Variants in CDC42BPB observed in about 807,000 individuals in gnomAD.
CDC42BPB encodes serine/threonine-protein kinase MRCK beta.
In CDC42BPB, 37 loss-of-function variants were observed where a neutral mutation model predicts 214.9. The observed-to-expected ratio is 0.17, with a 90% CI of 0.13 to 0.23. The LOEUF is 0.23. Ranked by LOEUF, CDC42BPB falls within the 10% of genes least tolerant of loss-of-function variation. The probability of loss-of-function intolerance (pLI) is 1.00; values close to 1 mark genes in which losing one functional copy is unlikely to be tolerated. For synonymous variants in CDC42BPB, 931 were observed against 884.0 expected (o/e 1.05, Z -0.94); for missense variants, 1,694 against 2,227.0 (o/e 0.76, Z 4.82).
In CDC42BPB at chr14:102,964,078, G is replaced by C. The variant is rs555839408; in HGVS notation, c.2726+424C>G. 3.9e-5 allele frequency among the ~76,000 whole-genome samples: 6 copies of C among 152,336 alleles called. No individual in the cohort carries two copies. The East Asian group carries it at 1.2e-3, about 29-fold the overall frequency. ...GGAGTTAGGGAAAAATTTCAAGTGA[G>C]AATGCCATCTTCAACCTCTGTTTTA... On this transcript the variant is annotated intron_variant, in intron 19 of 36. Coordinates refer to ENST00000361246, the MANE Select transcript of CDC42BPB (RefSeq NM_006035.4).
In CDC42BPB at chr14:102,943,740, T is replaced by C; in HGVS notation, c.4408+151A>G. On this transcript the variant is annotated intron_variant, in intron 30 of 36. Transcript: ENST00000361246. The surrounding 1 kb of genome is among the most constrained non-coding windows in gnomAD (Gnocchi z 4.6). Reference sequence around the variant, plus strand: ...GACGTGAGATCTGAACCATGCTCTCTGCTGCGGGCTGGCATGGGGCCCACC... The same window carrying C: ...GACGTGAGATCTGAACCATGCTCTCCGCTGCGGGCTGGCATGGGGCCCACC... 1.5e-6 allele frequency: 1 copy of C among 655,378 alleles called. No individual in the cohort carries two copies. Among genetic ancestry groups the C allele is most frequent in the East Asian group, 2.7e-5 (1 of 36,884 alleles). 40.6% of individuals were successfully genotyped at this position (655,378 alleles called of 1,614,324 possible).
chr14:103,003,457 G>A (rs1055118547), intron 4 of CDC42BPB, among the ~76,000 whole-genome samples: 12 of 152,188 alleles, frequency 7.9e-5, no homozygotes, highest in Non-Finnish European at 1.6e-4. Flanking sequence ...CACAGGCAGC[G>A]TGGAGACTAA....
chr14:102,966,650 C>G, intron 17 of CDC42BPB: 1 of 299,040 alleles, frequency 3.3e-6, no homozygotes, highest in South Asian at 1.3e-4. Context: ...TATATACCTA[C>G]TACGCACCCA....
At chr14:102,977,795 G>A (rs566774614) in intron 9 of CDC42BPB, among the ~76,000 whole-genome samples, 6 of 152,306 alleles carry the variant, frequency 3.9e-5, no homozygotes, top group Admixed American at 6.5e-5. Context: ...AATCCTGCCC[G>A]AGGCCTGTTT....
rs1157814245 is a variant in CDC42BPB at position 102,950,447 on chromosome 14, C to T, written c.3309+19G>A. 7 of 1,611,882 alleles carry T rather than the reference C, an allele frequency of 4.3e-6. No individual in the cohort carries two copies. The highest frequency in any genetic ancestry group is 1.7e-5 in the Admixed American group (1 of 59,938). On this transcript the variant is annotated intron_variant, in intron 25 of 36. Transcript: ENST00000361246. ...CCTCACAGGCACCGAGGGCTGAGGGCGGAGATGAAGCCGCCTACCTTGACA... is the reference window on the plus strand; with the variant it reads ...CCTCACAGGCACCGAGGGCTGAGGGTGGAGATGAAGCCGCCTACCTTGACA...
chr14:103,056,577 G>T (rs1016058536), intron 1 of CDC42BPB, among the ~76,000 whole-genome samples: 2 of 150,032 alleles, frequency 1.3e-5, no homozygotes, highest in African/African-American at 5.0e-5. Context: ...GGGGGCGGGG[G>T]CGGGGGCGGG....
At chr14:102,973,765 T>A (rs1469590230) in intron 12 of CDC42BPB, among the ~76,000 whole-genome samples, 1 of 152,182 alleles carries the variant, frequency 6.6e-6, no homozygotes, top group Non-Finnish European at 1.5e-5. Flanking sequence ...GCGAGGTGGA[T>A]AACCGCTGGG....
intron 24 of CDC42BPB, 111 bp from the exon 25 acceptor site, chr14:102,950,713 C>T: frequency 7.2e-7 from 1 of 1,379,578 alleles, no homozygotes; most frequent in Non-Finnish European, 9.4e-7. Flanking sequence ...CGCCTGGAAT[C>T]CCAGCACTTT....
At chr14:102,934,655 A>T (rs1237753313) in intron 36 of CDC42BPB, among the ~76,000 whole-genome samples, 1 of 152,188 alleles carries the variant, frequency 6.6e-6, no homozygotes, top group Non-Finnish European at 1.5e-5. Context: ...AATAGAGGGG[A>T]ACCTCCTCAA....
At chr14:102,940,666 A>G (rs1370104391) in intron 30 of CDC42BPB, 5 of 361,386 alleles carry the variant, frequency 1.4e-5, no homozygotes, top group Non-Finnish European at 2.5e-5. Context: ...CAGGCTCAAC[A>G]CTTTGGAAAT....
At chr14:103,020,067 G>A (rs184553642) in intron 1 of CDC42BPB, among the ~76,000 whole-genome samples, 1 of 152,340 alleles carries the variant, frequency 6.6e-6, no homozygotes, top group East Asian at 1.9e-4. Flanking sequence ...TGAGGCAGGC[G>A]GGCAGGAAGT....
intron 21 of CDC42BPB, among the ~76,000 whole-genome samples, chr14:102,957,716 G>A (rs1247080924): frequency 6.6e-6 from 1 of 152,264 alleles, no homozygotes; most frequent in African/African-American, 2.4e-5. Context: ...CTTGGGTGTT[G>A]TAATGACAGA....
At chr14:102,967,623 T>C (rs183263854) in intron 16 of CDC42BPB, among the ~76,000 whole-genome samples, 2 of 152,378 alleles carry the variant, frequency 1.3e-5, no homozygotes, top group East Asian at 3.9e-4. Flanking sequence ...CAAGCCTGCA[T>C]ACCATGTTGC....
At chr14:103,010,770 G>A (rs951051687) in intron 2 of CDC42BPB, among the ~76,000 whole-genome samples, 4 of 152,196 alleles carry the variant, frequency 2.6e-5, no homozygotes, top group Non-Finnish European at 5.9e-5. Flanking sequence ...GGTGGCTCAC[G>A]CCTGTAATCC....
chr14:103,025,487 G>A (rs1233180986), intron 1 of CDC42BPB, among the ~76,000 whole-genome samples: 2 of 149,358 alleles, frequency 1.3e-5, no homozygotes, highest in African/African-American at 4.9e-5. Context: ...TAGTATTCAT[G>A]TAATGAACTA....
rs186597691 is a variant in CDC42BPB at position 103,053,557 on chromosome 14, C to G, written c.175+3442G>C. Among the ~76,000 whole-genome samples, 105 of 151,374 alleles carry G rather than the reference C, an allele frequency of 6.9e-4. 1 individual carries two copies. Among genetic ancestry groups the G allele is most frequent in the Middle Eastern group, 3.4e-3 (1 of 290 alleles). ...GGGGCAGATCACGAGGTCTGGAGAT[C>G]GAGACCATCCTGGCTAACACGGTGA... is the stretch of plus-strand genomic sequence containing the variant. On this transcript the variant is annotated intron_variant, in intron 1 of 36. Coordinates refer to ENST00000361246, the MANE Select transcript of CDC42BPB (RefSeq NM_006035.4).
chr14:102,939,572 G>C (rs2139344475), intron 34 of CDC42BPB, 38 bp downstream of exon 34: 7 of 1,434,628 alleles, frequency 4.9e-6, no homozygotes, highest in African/African-American at 2.8e-5. Context: ...AGGAGGAGAT[G>C]GGGTGCCCTG....
chr14:102,955,304 T>G (rs1892663489), intron 21 of CDC42BPB, among the ~76,000 whole-genome samples: 3 of 151,952 alleles, frequency 2.0e-5, no homozygotes, highest in Admixed American at 6.6e-5. Context: ...ACACCCATAA[T>G]CCCAGCTACT....
At chr14:102,987,651 C>T (rs370001302) in intron 5 of CDC42BPB, among the ~76,000 whole-genome samples, 1 of 152,194 alleles carries the variant, frequency 6.6e-6, no homozygotes, top group East Asian at 1.9e-4. Context: ...AAACCAGAAA[C>T]AAAACACAAA....
Sources: allele counts gnomAD v4.1 joint callset (sites outside exome capture counted in the v4.1 genomes callset), GRCh38; gene constraint gnomAD v4.1.1; non-coding constraint Gnocchi (gnomAD v3.1); transcripts MANE v1.5; gene names NCBI Gene and HGNC (gene_info 2026-07-23, HGNC 2026-07-21).